The following GNAQ variants were observed in gnomAD, a reference collection of about 807,000 sequenced individuals.
The protein encoded by GNAQ is G protein subunit alpha q, also known as guanine nucleotide-binding protein G(q) subunit alpha.
In GNAQ, 8 loss-of-function variants were observed where a neutral mutation model predicts 43.9. The observed-to-expected ratio is 0.18, with a 90% CI of 0.11 to 0.33. The LOEUF (loss-of-function observed/expected upper bound fraction) is 0.33, where lower values mean the gene tolerates loss of function less well. GNAQ is among the 10% of genes least tolerant of loss of function. The probability of loss-of-function intolerance (pLI) is 1.00; values close to 1 mark genes in which losing one functional copy is unlikely to be tolerated. For missense variants in GNAQ, 158 were observed against 450.8 expected, an observed-to-expected ratio of 0.35 and a Z score of 5.88; for synonymous variants, 155 against 170.7, an observed-to-expected ratio of 0.91 and a Z score of 0.71.
chr9:77,840,667 T>C (rs193017129), intron 2 of GNAQ, among the ~76,000 whole-genome samples: 1 of 152,262 alleles, frequency 6.6e-6, no homozygotes, highest in Non-Finnish European at 1.5e-5. Flanking sequence ...ATATATAACA[T>C]GTTTGGTCTT....
At chr9:77,950,887 G>A (rs766849818) in intron 1 of GNAQ, among the ~76,000 whole-genome samples, 2 of 151,734 alleles carry the variant, frequency 1.3e-5, no homozygotes, top group African/African-American at 2.4e-5. Context: ...ATAATACTGC[G>A]GAGCTGCTAA....
chr9:77,844,994 A>G (rs1420109566), intron 2 of GNAQ, among the ~76,000 whole-genome samples: 1 of 152,184 alleles, frequency 6.6e-6, no homozygotes, highest in Non-Finnish European at 1.5e-5. Flanking sequence ...CTTTTTAAAA[A>G]CTATCTTACT....
chr9:77,927,473 C>T (rs562739871), intron 1 of GNAQ, among the ~76,000 whole-genome samples: 13 of 152,106 alleles, frequency 8.5e-5, no homozygotes, highest in South Asian at 4.1e-4. Flanking sequence ...GCCACTGCTC[C>T]GAAGGATGGT....
At chr9:78,007,305 G>C (rs1587458086) in intron 1 of GNAQ, among the ~76,000 whole-genome samples, 2 of 145,568 alleles carry the variant, frequency 1.4e-5, no homozygotes, top group East Asian at 4.0e-4. Flanking sequence ...TTTTTGCAAA[G>C]GACACTTAAA....
In GNAQ at chr9:77,731,055, C is replaced by T. The variant is rs535073991; in HGVS notation, c.736-2388G>A. 5.3e-5 allele frequency among the ~76,000 whole-genome samples: 8 copies of T among 152,230 alleles called. No homozygotes were observed. In the East Asian group the frequency reaches 9.7e-4, roughly 18 times the overall value. On this transcript the variant is annotated intron_variant, in intron 5 of 6. Coordinates refer to ENST00000286548, the MANE Select transcript of GNAQ (RefSeq NM_002072.5). ...AGAGGTATGTTCACCTGGGCATCAA[C>T]CCAGCAAGTCTCTATTAGAAAGCCT... is the stretch of plus-strand genomic sequence containing the variant.
At chr9:77,780,760 C>T (rs1826382913) in intron 5 of GNAQ, among the ~76,000 whole-genome samples, 1 of 151,966 alleles carries the variant, frequency 6.6e-6, no homozygotes, top group Non-Finnish European at 1.5e-5. Flanking sequence ...TTTCCACATC[C>T]TCACCAGCAT....
intron 1 of GNAQ, among the ~76,000 whole-genome samples, chr9:78,002,996 A>G (rs1191351364): frequency 6.6e-6 from 1 of 152,196 alleles, no homozygotes; most frequent in African/African-American, 2.4e-5. Flanking sequence ...AAAGCTCCAT[A>G]TAAGAAGTTT....
chr9:77,868,428 C>A (rs1196159197), intron 2 of GNAQ, among the ~76,000 whole-genome samples: 2 of 152,150 alleles, frequency 1.3e-5, no homozygotes, highest in Non-Finnish European at 2.9e-5. Flanking sequence ...AATAAGGAAG[C>A]AGTTTATTAA....
intron 6 of GNAQ, 106 bp downstream of exon 6, chr9:77,728,408 A>AG: frequency 1.3e-6 from 1 of 775,764 alleles, no homozygotes; most frequent in Non-Finnish European, 2.2e-6. Flanking sequence ...CAGGCTGCAC[A>AG]GGGCAAGGGC....
At chr9:77,780,626 C>G (rs1826380106) in intron 5 of GNAQ, among the ~76,000 whole-genome samples, 1 of 151,930 alleles carries the variant, frequency 6.6e-6, no homozygotes, top group African/African-American at 2.4e-5. Context: ...GATAAAGGCC[C>G]TATAGTGAGA....
At chr9:77,821,724 G>GGTGT (rs1554718670) in intron 2 of GNAQ, among the ~76,000 whole-genome samples, 4,167 of 142,334 alleles carry the variant, frequency 0.029, 101 homozygotes, top group African/African-American at 0.059. Flanking sequence ...TCCTAGTATG[G>GGTGT]GTGTGTGTGT....
In GNAQ at chr9:77,901,092, C is replaced by T. The variant is rs561622384; in HGVS notation, c.321+21069G>A. 1.7e-4 allele frequency among the ~76,000 whole-genome samples: 26 copies of T among 152,246 alleles called. No individual in the cohort carries two copies. The South Asian group carries it at 3.1e-3, about 18-fold the overall frequency. On this transcript the variant is annotated intron_variant, in intron 2 of 6. Transcript: ENST00000286548. The stretch of plus-strand genomic sequence containing the variant: ...CTCTTCCATGTCCATCCTTTCACTC[C>T]GGCTCCTCACTCCTGGTCACGATCT...
At chr9:77,792,684 C>CAT (rs988512606) in intron 5 of GNAQ, among the ~76,000 whole-genome samples, 4 of 151,958 alleles carry the variant, frequency 2.6e-5, no homozygotes, top group African/African-American at 4.8e-5. Context: ...TATACTTCTT[C>CAT]ATATATATAT....
At chr9:77,843,744 G>A (rs926650002) in intron 2 of GNAQ, among the ~76,000 whole-genome samples, 1 of 152,128 alleles carries the variant, frequency 6.6e-6, no homozygotes, top group Non-Finnish European at 1.5e-5. Context: ...CACAAACATG[G>A]GGATGTAATT....
chr9:77,862,392 G>T (rs1827869021), intron 2 of GNAQ, among the ~76,000 whole-genome samples: 1 of 152,186 alleles, frequency 6.6e-6, no homozygotes, highest in Non-Finnish European at 1.5e-5. Flanking sequence ...AAATCTAGGT[G>T]GAGGTTCCCA....
At chr9:77,893,305 C>T (rs1309149680) in intron 2 of GNAQ, among the ~76,000 whole-genome samples, 2 of 152,164 alleles carry the variant, frequency 1.3e-5, no homozygotes, top group African/African-American at 4.8e-5. Context: ...TCTGGTCATC[C>T]TCATTGCTCA....
chr9:77,745,609 C>CAT (rs1252957333), intron 5 of GNAQ, among the ~76,000 whole-genome samples: 10 of 1,816 alleles, frequency 5.5e-3, no homozygotes, highest in South Asian at 0.017. Context: ...CATGCACACA[C>CAT]ACAAAAAAAA....
chr9:77,867,579 A>G (rs1278175117), intron 2 of GNAQ, among the ~76,000 whole-genome samples: 2 of 152,196 alleles, frequency 1.3e-5, no homozygotes, highest in Non-Finnish European at 2.9e-5. Context: ...AACAAACTCC[A>G]AAGTGTGTGA....
intron 2 of GNAQ, among the ~76,000 whole-genome samples, chr9:77,825,937 G>A (rs1196698789): frequency 6.6e-6 from 1 of 151,974 alleles, no homozygotes; most frequent in African/African-American, 2.4e-5. Flanking sequence ...ACCTGATACA[G>A]CAAAATTTTA....
Sources: gnomAD v4.1 joint callset for allele counts (sites outside exome capture counted in the v4.1 genomes callset) on GRCh38, gnomAD v4.1.1 for gene constraint, MANE v1.5 for transcripts, NCBI Gene and HGNC (gene_info 2026-07-23, HGNC 2026-07-21) for gene names.